MME: variants seen among roughly 807,000 people sequenced by gnomAD.
MME encodes the protein neprilysin.
Under a neutral mutation model 113.2 loss-of-function variants are expected in MME, and 98 were observed. The ratio of observed to expected loss-of-function variants is 0.87; its 90% CI spans 0.74 to 1.02. The LOEUF is 1.02. MME is among the 50% of genes least tolerant of loss of function. The pLI is 0.00. For synonymous variants in MME, 292 were observed against 300.6 expected (o/e 0.97, Z 0.30); for missense variants, 836 against 896.0 (o/e 0.93, Z 0.86).
At chr3:155,146,428 A>C (rs1331174844) in intron 14 of MME, among the ~76,000 whole-genome samples, 1 of 152,040 alleles carries the variant, frequency 6.6e-6, no homozygotes, top group Non-Finnish European at 1.5e-5. Context: ...TGGGAGGCTG[A>C]AATGGGAAGA....
intron 1 of MME, among the ~76,000 whole-genome samples, chr3:155,053,040 C>T (rs147208007): frequency 7.9e-5 from 12 of 152,328 alleles, no homozygotes; most frequent in African/African-American, 2.6e-4. Context: ...ACAAGTTCCT[C>T]ATTGCCATTT....
chr3:155,105,007 A>T (rs1196119537), intron 3 of MME, among the ~76,000 whole-genome samples: 3 of 147,988 alleles, frequency 2.0e-5, no homozygotes, highest in Non-Finnish European at 2.9e-5. Context: ...AATACTTTTT[A>T]TTATTATTAT....
chr3:155,166,442 C>A (rs112456123), intron 17 of MME, among the ~76,000 whole-genome samples: 2,783 of 152,198 alleles, frequency 0.018, 87 homozygotes, highest in African/African-American at 0.061. Flanking sequence ...TAGATGGATA[C>A]AATTTCTGCA....
Position 155,125,277 on chromosome 3 carries a change from C to T in MME, c.720+6466C>T, listed in dbSNP as rs1471737618. Among the ~76,000 whole-genome samples, 2 of 143,292 alleles carry T rather than the reference C, an allele frequency of 1.4e-5. 1 individual carries two copies. Among genetic ancestry groups the T allele is most frequent in the African/African-American group, 5.0e-5 (2 of 40,112 alleles). The allele number at this position is 143,292 out of a possible 152,430, so 94.0% of individuals were successfully genotyped here. On this transcript the variant is annotated intron_variant, in intron 8 of 22. Transcript: ENST00000360490. ...GGCAATGCCTCGCCCTGCTTCGGCT[C>T]ACGCACGGTGCGTGCACCCACTGGC...
intron 1 of MME, among the ~76,000 whole-genome samples, chr3:155,063,232 T>TATATATATATAATATG (rs1185496478): frequency 8.9e-6 from 1 of 111,946 alleles, no homozygotes; most frequent in East Asian, 2.3e-4. Flanking sequence ...ATGTATATTA[T>TATATATATATAATATG]TATATATTAT....
At chr3:155,089,746 G>T (rs529562896) in intron 3 of MME, 8 of 361,688 alleles carry the variant, frequency 2.2e-5, no homozygotes, top group South Asian at 1.6e-4. Flanking sequence ...GGGAGGCCAA[G>T]GCGGGTGGAT....
At chr3:155,160,520 A>G in intron 17 of MME, 72 bp downstream of exon 17, 1 of 976,596 alleles carries the variant, frequency 1.0e-6, no homozygotes, top group South Asian at 1.3e-5. Flanking sequence ...TGTATGACCA[A>G]TTACAATACC....
intron 22 of MME, among the ~76,000 whole-genome samples, chr3:155,175,794 G>T (rs201831858): frequency 6.6e-6 from 1 of 151,972 alleles, no homozygotes; most frequent in Non-Finnish European, 1.5e-5. Context: ...TGGCTATTTT[G>T]TTCCTTCATA....
intron 1 of MME, among the ~76,000 whole-genome samples, chr3:155,082,568 C>G (rs1366555982): frequency 6.6e-6 from 1 of 152,166 alleles, no homozygotes; most frequent in Non-Finnish European, 1.5e-5. Flanking sequence ...GCCAGCATGC[C>G]TTACATAACC....
At chr3:155,157,996 A>T (rs1722436604) in intron 16 of MME, among the ~76,000 whole-genome samples, 1 of 152,166 alleles carries the variant, frequency 6.6e-6, no homozygotes, top group Admixed American at 6.6e-5. Flanking sequence ...GCAGAAAAGC[A>T]CTAAAACAAA....
intron 1 of MME, among the ~76,000 whole-genome samples, chr3:155,042,570 T>C (rs1161365639): frequency 2.0e-5 from 3 of 152,094 alleles, no homozygotes; most frequent in African/African-American, 7.2e-5. Context: ...TTTTTCAATT[T>C]GAATAACTTG....
At chr3:155,119,354 G>C (rs1718900551) in intron 8 of MME, among the ~76,000 whole-genome samples, 1 of 151,724 alleles carries the variant, frequency 6.6e-6, no homozygotes, top group Non-Finnish European at 1.5e-5. Flanking sequence ...GGATGTTCTG[G>C]AGTGCTTTCT....
At chr3:155,117,024 AT>A in intron 7 of MME, 38 bp downstream of exon 7, 1 of 1,133,062 alleles carries the variant, frequency 8.8e-7, no homozygotes. Context: ...TTACCTTTAA[AT>A]TGTAATAAAA....
intron 17 of MME, among the ~76,000 whole-genome samples, chr3:155,163,414 A>G (rs1722856050): frequency 6.6e-6 from 1 of 152,204 alleles, no homozygotes. Flanking sequence ...CATATCAACA[A>G]AAAAGTCAAT....
chr3:155,104,668 AC>A (rs1717543333), intron 3 of MME, among the ~76,000 whole-genome samples: 2 of 152,084 alleles, frequency 1.3e-5, no homozygotes, highest in Admixed American at 6.6e-5. Context: ...ATGGGTGTGG[AC>A]CCCCATTGCT....
chr3:155,149,071 C>G (rs1202129135), intron 16 of MME, among the ~76,000 whole-genome samples: 1 of 152,058 alleles, frequency 6.6e-6, no homozygotes, highest in African/African-American at 2.4e-5. Flanking sequence ...AACTCCATCC[C>G]CTTCATAGAT....
intron 1 of MME, among the ~76,000 whole-genome samples, chr3:155,028,216 C>T (rs1576658266): frequency 6.6e-6 from 1 of 152,202 alleles, no homozygotes. Flanking sequence ...AGAAGAGAAA[C>T]AAGTAAACAG....
At chr3:155,061,284 T>C (rs1259561594) in intron 1 of MME, among the ~76,000 whole-genome samples, 2 of 151,866 alleles carry the variant, frequency 1.3e-5, no homozygotes, top group East Asian at 3.9e-4. Flanking sequence ...AACCCGTCTC[T>C]ACTAAAAATA....
chr3:155,044,517 A>T (rs114271100), intron 1 of MME, among the ~76,000 whole-genome samples: 1,994 of 151,596 alleles, frequency 0.013, 44 homozygotes, highest in African/African-American at 0.046. Flanking sequence ...TTGCTTTTTT[A>T]AATTTTTATT....
Sources: gnomAD v4.1 joint callset for allele counts (sites outside exome capture counted in the v4.1 genomes callset) on GRCh38, gnomAD v4.1.1 for gene constraint, MANE v1.5 for transcripts, NCBI Gene and HGNC (gene_info 2026-07-23, HGNC 2026-07-21) for gene names.